Variants in ZHX3 observed in about 807,000 individuals in gnomAD.
ZHX3 encodes the protein zinc fingers and homeoboxes protein 3.
In ZHX3, 20 loss-of-function variants were observed where a neutral mutation model predicts 64.5. The observed-to-expected ratio is 0.31, with a 90% CI of 0.22 to 0.45. The LOEUF (loss-of-function observed/expected upper bound fraction) is 0.45, where lower values mean the gene tolerates loss of function less well. ZHX3 is among the 20% of genes least tolerant of loss of function. ZHX3 has a pLI of 1.00. For synonymous variants in ZHX3, 423 were observed against 461.6 expected (o/e 0.92, Z 1.07); for missense variants, 1,041 against 1,195.8 (o/e 0.87, Z 1.91).
intron 2 of ZHX3, among the ~76,000 whole-genome samples, chr20:41,257,020 A>G (rs1467099655): frequency 1.3e-5 from 2 of 152,084 alleles, no homozygotes; most frequent in Admixed American, 1.3e-4. Flanking sequence ...TATAAGTGAG[A>G]ACATGCATAA....
At chr20:41,210,688 G>A (rs1038871057) in intron 2 of ZHX3, among the ~76,000 whole-genome samples, 2 of 152,086 alleles carry the variant, frequency 1.3e-5, no homozygotes, top group African/African-American at 4.8e-5. Context: ...CACACACCAC[G>A]GCCTGTCGTG....
intron 2 of ZHX3, among the ~76,000 whole-genome samples, chr20:41,252,446 C>A (rs781045185): frequency 6.6e-6 from 1 of 152,132 alleles, no homozygotes; most frequent in South Asian, 2.1e-4. Context: ...CATGTGAGTA[C>A]GTCTTAGTCC....
intron 2 of ZHX3, chr20:41,238,593 CAGTATTTTT>C (rs1383049361): frequency 2.6e-5 from 4 of 152,116 alleles, no homozygotes; most frequent in Non-Finnish European, 5.9e-5. Context: ...CCTACAAATT[CAGTATTTTT>C]AGTATTTTTA....
intron 2 of ZHX3, among the ~76,000 whole-genome samples, chr20:41,249,048 A>G (rs893112394): frequency 6.6e-6 from 1 of 152,248 alleles, no homozygotes. Flanking sequence ...TGTAAACTAT[A>G]CAAAATTACC....
intron 1 of ZHX3, among the ~76,000 whole-genome samples, chr20:41,296,353 AAAGT>A (rs1488895691): frequency 6.6e-6 from 1 of 151,900 alleles, no homozygotes; most frequent in Non-Finnish European, 1.5e-5. Context: ...GGCCACAGAG[AAAGT>A]AAGATAAGAG....
chr20:41,267,216 T>C (rs1246492627), intron 2 of ZHX3, among the ~76,000 whole-genome samples: 3 of 152,196 alleles, frequency 2.0e-5, no homozygotes, highest in Admixed American at 6.5e-5. Flanking sequence ...GTCTTTTTTT[T>C]AGTGTAAATA....
rs2040641081 is a variant in ZHX3, at chr20:41,232,052, A to G, written c.-150-26986T>C. On this transcript the variant is annotated intron_variant, in intron 2 of 3. Transcript: ENST00000683867. This position sits in a 1 kb window ranked among gnomAD's most constrained non-coding sequence, Gnocchi z 5.0. ...GCCCAGACCCCACCAAAATAGAGGC[A>G]GTGAAACAGCCTTTGAAGTTGTTTT... Among the ~76,000 whole-genome samples the G allele has an allele frequency of 6.6e-6, 1 of 152,238 alleles. No individual in the cohort carries two copies. Among genetic ancestry groups the G allele is most frequent in the Non-Finnish European group, 1.5e-5 (1 of 68,044 alleles).
At chr20:41,302,830 G>A (rs1260788830) in intron 1 of ZHX3, among the ~76,000 whole-genome samples, 1 of 152,190 alleles carries the variant, frequency 6.6e-6, no homozygotes, top group African/African-American at 2.4e-5. Flanking sequence ...GATTTTAAAT[G>A]AGCACAGAAA....
intron 2 of ZHX3, among the ~76,000 whole-genome samples, chr20:41,210,410 C>A (rs915396570): frequency 6.6e-6 from 1 of 152,084 alleles, no homozygotes; most frequent in African/African-American, 2.4e-5. Flanking sequence ...ATGTTTATTG[C>A]GGCACTATTC....
At chr20:41,249,371 A>G (rs896989971) in intron 2 of ZHX3, among the ~76,000 whole-genome samples, 2 of 152,254 alleles carry the variant, frequency 1.3e-5, no homozygotes, top group Non-Finnish European at 2.9e-5. Context: ...AAGACCCTAC[A>G]AAAGTGACAG....
intron 2 of ZHX3, among the ~76,000 whole-genome samples, chr20:41,231,113 A>G (rs1022035864): frequency 3.9e-5 from 6 of 152,218 alleles, no homozygotes; most frequent in African/African-American, 1.4e-4. Context: ...AGTTGGAATC[A>G]TACAGGTATG....
At chr20:41,238,992 CTTTTTTTTTTT>C (rs36076017) in intron 2 of ZHX3, among the ~76,000 whole-genome samples, 6 of 86,300 alleles carry the variant, frequency 7.0e-5, no homozygotes, top group South Asian at 3.8e-4. Flanking sequence ...TTTTCTCTCT[CTTTTTTTTTTT>C]TTTTTTTTTT....
chr20:41,197,466 T>TTTTGA, intron 3 of ZHX3, among the ~76,000 whole-genome samples: 1 of 150,264 alleles, frequency 6.7e-6, no homozygotes, highest in East Asian at 1.9e-4. Context: ...TTATTTTGTC[T>TTTTGA]GGTGATAATA....
chr20:41,220,796 T>C (rs1437468253), intron 2 of ZHX3, among the ~76,000 whole-genome samples: 1 of 152,006 alleles, frequency 6.6e-6, no homozygotes, highest in Non-Finnish European at 1.5e-5. Context: ...CAGACTCAAG[T>C]GATCCTCCCG....
At chr20:41,258,955 T>A (rs2042414094) in intron 2 of ZHX3, among the ~76,000 whole-genome samples, 1 of 152,232 alleles carries the variant, frequency 6.6e-6, no homozygotes, top group African/African-American at 2.4e-5. Context: ...GCAACTCTGA[T>A]TACTTTTGTT....
intron 1 of ZHX3, among the ~76,000 whole-genome samples, chr20:41,315,524 G>A (rs1380976887): frequency 6.6e-6 from 1 of 151,968 alleles, no homozygotes; most frequent in Non-Finnish European, 1.5e-5. Flanking sequence ...GGCAAGGCTC[G>A]AAGTGAGGAT....
At chr20:41,242,965 C>T (rs1183094401) in intron 2 of ZHX3, among the ~76,000 whole-genome samples, 3 of 152,172 alleles carry the variant, frequency 2.0e-5, no homozygotes, top group Non-Finnish European at 4.4e-5. Flanking sequence ...TTCCTCTGTG[C>T]TTGTCTCCAT....
intron 1 of ZHX3, among the ~76,000 whole-genome samples, chr20:41,312,199 G>A (rs747621390): frequency 2.0e-5 from 3 of 151,972 alleles, no homozygotes; most frequent in Non-Finnish European, 4.4e-5. Flanking sequence ...CCTGTAGCTA[G>A]CTAGAGGTTT....
intron 3 of ZHX3, among the ~76,000 whole-genome samples, chr20:41,186,247 G>C: frequency 6.6e-6 from 1 of 152,126 alleles, no homozygotes. Flanking sequence ...TAAGTTGAAT[G>C]GTACAATATT....
Sources: allele counts gnomAD v4.1 joint callset (sites outside exome capture counted in the v4.1 genomes callset), GRCh38; gene constraint gnomAD v4.1.1; non-coding constraint Gnocchi (gnomAD v3.1); transcripts MANE v1.5; gene names NCBI Gene and HGNC (gene_info 2026-07-23, HGNC 2026-07-21).